PCDHA7: variants seen among roughly 807,000 people sequenced by gnomAD.
The protein encoded by PCDHA7 is protocadherin alpha 7, also known as protocadherin alpha-7.
A neutral mutation model predicts 57.2 loss-of-function variants in PCDHA7; 37 were observed. That is an observed-to-expected ratio of 0.65 (90% CI 0.50 to 0.85). The LOEUF (loss-of-function observed/expected upper bound fraction) is 0.85. PCDHA7 is among the 40% of genes least tolerant of loss of function. The pLI is 0.00. For synonymous variants in PCDHA7, 553 were observed against 558.8 expected, an observed-to-expected ratio of 0.99 and a Z score of 0.15; for missense variants, 1,188 against 1,241.8, an observed-to-expected ratio of 0.96 and a Z score of 0.65.
At chr5:140,967,355 C>G in intron 1 of PCDHA7, 1 of 1,608,112 alleles carries the variant, frequency 6.2e-7, no homozygotes, top group Non-Finnish European at 8.5e-7. Context: ...CGAGCTGGAC[C>G]TTAAGCCCCT....
At chr5:140,843,056 A>C in intron 1 of PCDHA7, 1 of 1,594,198 alleles carries the variant, frequency 6.3e-7, no homozygotes, top group Non-Finnish European at 8.6e-7. Context: ...CGCAGCGAGC[A>C]AGCTGGTGCC....
Position 140,856,334 on chromosome 5 carries a change from G to C in PCDHA7, c.2355+19596G>C, listed in dbSNP as rs1262477114. 11 of 1,598,498 alleles carry C rather than the reference G, an allele frequency of 6.9e-6. 1 individual carries two copies. The Admixed American group carries it at 1.3e-4, about 20-fold the overall frequency. On this transcript the variant is annotated intron_variant, in intron 1 of 3. Coordinates refer to ENST00000525929, the MANE Select transcript of PCDHA7 (RefSeq NM_018910.3). ...TCGGATTGACCGCGAGGAGCTGTGC[G>C]GGCGGAGCGTGGAGTGCAGCATCCA...
chr5:140,994,377 G>T (rs1260163825), intron 3 of PCDHA7, among the ~76,000 whole-genome samples: 3 of 152,098 alleles, frequency 2.0e-5, no homozygotes, highest in Non-Finnish European at 4.4e-5. Context: ...GGAAATTCAG[G>T]GGACTAAGTC....
In PCDHA7 at chr5:140,936,501, T is replaced by A. The variant is rs192125282; in HGVS notation, c.2356-42448T>A. On this transcript the variant is annotated intron_variant, in intron 1 of 3. Transcript: ENST00000525929. ...AGCTTTCTTGTTTTAACTTGCACATTTAGATCTTAAATTACCTGAAATTGC... is the reference window on the plus strand; with the variant it reads ...AGCTTTCTTGTTTTAACTTGCACATATAGATCTTAAATTACCTGAAATTGC... Among the ~76,000 whole-genome samples, 509 of 152,360 alleles carry A rather than the reference T, an allele frequency of 3.3e-3. 1 individual carries two copies. Among genetic ancestry groups the A allele is most frequent in the African/African-American group, 0.011 (472 of 41,592 alleles).
At chr5:140,843,522 CG>C (rs1554140172) in intron 1 of PCDHA7, 1 of 1,595,680 alleles carries the variant, frequency 6.3e-7, no homozygotes, top group Non-Finnish European at 8.6e-7. Flanking sequence ...GGGTGCCGGG[CG>C]GGCAAGCCCA....
chr5:140,927,506 C>G (rs1554204645), intron 1 of PCDHA7: 1 of 1,614,128 alleles, frequency 6.2e-7, no homozygotes, highest in Non-Finnish European at 8.5e-7. Context: ...GTGCTTACAG[C>G]TCGGGACGGC....
At chr5:140,850,364 C>T in intron 1 of PCDHA7, 1 of 1,597,830 alleles carries the variant, frequency 6.3e-7, no homozygotes, top group Non-Finnish European at 8.6e-7. Flanking sequence ...TCCCGTTCCG[C>T]GTGGGGCTGT....
chr5:140,913,284 G>A (rs1201275371), intron 1 of PCDHA7, among the ~76,000 whole-genome samples: 1 of 152,026 alleles, frequency 6.6e-6, no homozygotes, highest in Non-Finnish European at 1.5e-5. Context: ...GTCTGTTTAG[G>A]TTTTAATTTC....
chr5:140,877,087 G>C lies in PCDHA7; in HGVS notation c.2355+40349G>C. On this transcript the variant is annotated intron_variant, in intron 1 of 3. Transcript: ENST00000525929. ...GCTGCAGTTCCAGGTGAGCGCGCGC[G>C]ACGCCGGCGTGCCGCCTCTGGGCAG... 2.5e-6 allele frequency: 4 copies of C among 1,613,212 alleles called. No homozygotes were observed. The South Asian group carries it at 3.3e-5, about 13-fold the overall frequency.
chr5:140,965,591 C>T (rs1440117062), intron 1 of PCDHA7, among the ~76,000 whole-genome samples: 1 of 151,692 alleles, frequency 6.6e-6, no homozygotes, highest in Non-Finnish European at 1.5e-5. Context: ...AATGGTTTTG[C>T]AGACTCTTGA....
chr5:140,969,325 A>G (rs1490022353), intron 1 of PCDHA7: 1 of 1,614,000 alleles, frequency 6.2e-7, no homozygotes, highest in Non-Finnish European at 8.5e-7. Context: ...CTGTTTCTCA[A>G]AATGAGGTGA....
intron 3 of PCDHA7, among the ~76,000 whole-genome samples, chr5:140,986,748 A>G (rs2097211627): frequency 6.6e-6 from 1 of 152,220 alleles, no homozygotes; most frequent in Non-Finnish European, 1.5e-5. Flanking sequence ...GGGATCTGGG[A>G]CTAAACAGTG....
chr5:140,918,991 G>A (rs1453656237), intron 1 of PCDHA7, among the ~76,000 whole-genome samples: 2 of 152,184 alleles, frequency 1.3e-5, no homozygotes, highest in African/African-American at 4.8e-5. Flanking sequence ...GGTTTTTAGT[G>A]TTGTTCACAT....
chr5:140,866,563 G>A (rs1163893808), intron 1 of PCDHA7: 31 of 152,118 alleles, frequency 2.0e-4, no homozygotes, highest in Admixed American at 2.0e-3. Flanking sequence ...CTATAATTTT[G>A]TTAATACAGT....
chr5:140,834,771 C>G lies in PCDHA7; in HGVS notation c.388C>G (p.Pro130Ala), dbSNP rs2150226115. 6.2e-7 allele frequency: 1 copy of G among 1,613,992 alleles called. No homozygotes were observed. Among genetic ancestry groups the G allele is most frequent in the East Asian group, 2.2e-5 (1 of 44,868 alleles). Residue 130 changes from proline (P) to alanine (A), a missense_variant, in exon 1 of 4, where the codon CCT (proline) becomes GCT (alanine). Transcript: ENST00000525929. The stretch of plus-strand genomic sequence containing the variant: ...GGAGGTGAAGGACATTAACGACAAC[C>G]CTCCGGTGTTCCCAGCGACACAAAG... ...DVEVKDINDN[P>A]PVFPATQRNL...
intron 1 of PCDHA7, chr5:140,877,824 A>G (rs1554170141): frequency 1.9e-6 from 3 of 1,602,118 alleles, no homozygotes; most frequent in Non-Finnish European, 2.6e-6. Flanking sequence ...AAGATTGTTT[A>G]AATCCTCCCA....
intron 1 of PCDHA7, among the ~76,000 whole-genome samples, chr5:140,940,750 G>A (rs1274521070): frequency 2.6e-5 from 4 of 152,136 alleles, no homozygotes; most frequent in Non-Finnish European, 5.9e-5. Context: ...TTTTATGTGT[G>A]CCAACTTTTA....
intron 1 of PCDHA7, among the ~76,000 whole-genome samples, chr5:140,965,161 G>A (rs151157194): frequency 1.5e-4 from 23 of 152,334 alleles, no homozygotes; most frequent in African/African-American, 5.5e-4. Flanking sequence ...GAGAAAGGAC[G>A]TTTTAGTGAG....
At chr5:140,859,043 C>G (rs552891148) in intron 1 of PCDHA7, 1 of 150,484 alleles carries the variant, frequency 6.6e-6, no homozygotes, top group Non-Finnish European at 1.5e-5. Context: ...ACTTTAAAAA[C>G]GTTTTCCATT....
Sources: allele counts gnomAD v4.1 joint callset (sites outside exome capture counted in the v4.1 genomes callset), GRCh38; gene constraint gnomAD v4.1.1; transcripts MANE v1.5; gene names NCBI Gene and HGNC (gene_info 2026-07-23, HGNC 2026-07-21).